Variants in ARHGAP8 observed in about 807,000 individuals in gnomAD.
ARHGAP8 encodes the protein rho GTPase-activating protein 8.
A neutral mutation model predicts 46.1 loss-of-function variants in ARHGAP8; 62 were observed. That is an observed-to-expected ratio of 1.34 (90% CI 1.10 to 1.66). ARHGAP8 has a LOEUF of 1.66. Among genes scored for constraint, ARHGAP8 ranks in the 40% most tolerant of loss-of-function variants. The pLI, the probability that ARHGAP8 is intolerant of heterozygous loss-of-function variation, is 0.00. For synonymous variants in ARHGAP8, 375 were observed against 243.1 expected (o/e 1.54, Z -5.05); for missense variants, 923 against 568.4 (o/e 1.62, Z -6.34).
chr22:44,846,356 C>T (rs146983577), intron 8 of ARHGAP8, among the ~76,000 whole-genome samples: 1 of 152,338 alleles, frequency 6.6e-6, no homozygotes, highest in Non-Finnish European at 1.5e-5. Flanking sequence ...ACAGGCGGGG[C>T]CTGGAGAGCC....
chr22:44,771,581 T>C (rs1385192259), intron 1 of ARHGAP8, among the ~76,000 whole-genome samples: 2 of 148,114 alleles, frequency 1.4e-5, no homozygotes, highest in Non-Finnish European at 3.0e-5. Context: ...TGAGACAAAG[T>C]CTTGCTCTTG....
intron 11 of ARHGAP8, among the ~76,000 whole-genome samples, chr22:44,861,391 G>C (rs1387763657): frequency 6.6e-6 from 1 of 152,216 alleles, no homozygotes; most frequent in African/African-American, 2.4e-5. Context: ...TGGCACCTGG[G>C]GGCCTCGGCT....
chr22:44,855,359 C>T (rs9626581), intron 10 of ARHGAP8, among the ~76,000 whole-genome samples: 31,940 of 151,722 alleles, frequency 0.21, 4,189 homozygotes, highest in Admixed American at 0.26. Context: ...AAGACAGGGT[C>T]TCACCATGTT....
At chr22:44,790,777 G>T (rs888006847) in intron 2 of ARHGAP8, among the ~76,000 whole-genome samples, 1 of 145,100 alleles carries the variant, frequency 6.9e-6, no homozygotes, top group African/African-American at 2.6e-5. Flanking sequence ...CTCTCTCCCA[G>T]GCTGGAGTGC....
At chr22:44,816,236 G>A (rs929697511) in intron 5 of ARHGAP8, among the ~76,000 whole-genome samples, 3 of 152,138 alleles carry the variant, frequency 2.0e-5, no homozygotes, top group East Asian at 1.9e-4. Context: ...TGGGTGTGAC[G>A]CTCCGTGTAC....
intron 3 of ARHGAP8, among the ~76,000 whole-genome samples, chr22:44,802,486 G>C (rs896332511): frequency 6.6e-6 from 1 of 152,154 alleles, no homozygotes; most frequent in East Asian, 1.9e-4. Context: ...CAGATGACAC[G>C]GCTGCCGAGC....
intron 4 of ARHGAP8, among the ~76,000 whole-genome samples, chr22:44,810,899 C>T (rs73176145): frequency 0.099 from 14,948 of 151,604 alleles, 971 homozygotes; most frequent in African/African-American, 0.17. Flanking sequence ...TGAGGAGAAG[C>T]GAGTGATGTG....
Position 44,862,423 on chromosome 22 carries a change from A to G in ARHGAP8, c.1130A>G (p.Tyr377Cys), listed in dbSNP as rs527743751. The G allele has an allele frequency of 2.0e-5, 32 of 1,613,946 alleles. No individual in the cohort carries two copies. The African/African-American group carries it at 2.1e-4, about 11-fold the overall frequency. Residue 377 changes from tyrosine to cysteine, a missense_variant, in exon 12 of 12, where the codon TAT becomes TGT. Transcript: ENST00000356099. ...TTCACTGAACTGCTGATCGAGTACTATGAAAAGATCTTCAGCACCCCGGAG... is the reference window on the plus strand; with the variant it reads ...TTCACTGAACTGCTGATCGAGTACTGTGAAAAGATCTTCAGCACCCCGGAG... Reference protein sequence around the residue: ...NMFTELLIEYYEKIFSTPEAP... With the variant: ...NMFTELLIEYCEKIFSTPEAP...
intron 2 of ARHGAP8, 147 bp from the exon 3 acceptor site, chr22:44,801,930 C>G: frequency 1.3e-6 from 1 of 775,484 alleles, no homozygotes; most frequent in Non-Finnish European, 2.1e-6. Flanking sequence ...GATGGATGCT[C>G]ACTCAGCAGG....
rs201689765 is a variant in ARHGAP8 at position 44,862,619 on chromosome 22, C to T, written c.*24C>T. Reference sequence around the variant, plus strand: ...AGTGTTGCGAACACTCTGTATATTTCGAGCTACCTCCCACACCTGTCTGTG... The same window carrying T: ...AGTGTTGCGAACACTCTGTATATTTTGAGCTACCTCCCACACCTGTCTGTG... On this transcript the variant is annotated 3_prime_UTR_variant, in exon 12 of 12. Transcript: ENST00000356099. 2.2e-4 allele frequency: 340 copies of T among 1,530,416 alleles called. 3 individuals are homozygous for T. Among genetic ancestry groups the T allele is most frequent in the African/African-American group, 5.8e-4 (42 of 72,598 alleles). 94.8% of individuals were successfully genotyped at this position (1,530,416 alleles called of 1,614,324 possible). A position where few individuals can be genotyped will look rare whatever the true frequency, so the allele number is the denominator to read the frequency against.
At chr22:44,841,859 G>T (rs1164886893) in intron 7 of ARHGAP8, among the ~76,000 whole-genome samples, 3 of 152,208 alleles carry the variant, frequency 2.0e-5, no homozygotes, top group Non-Finnish European at 2.9e-5. Flanking sequence ...AGTCAGTGGG[G>T]CAGGGAGGTG....
At chr22:44,821,366 T>C (rs1222928574) in intron 5 of ARHGAP8, among the ~76,000 whole-genome samples, 1 of 150,618 alleles carries the variant, frequency 6.6e-6, no homozygotes. Flanking sequence ...GAGGCGGAGC[T>C]TGCAGTGAGC....
chr22:44,838,553 C>G (rs749125620), intron 7 of ARHGAP8, among the ~76,000 whole-genome samples: 1 of 151,974 alleles, frequency 6.6e-6, no homozygotes, highest in East Asian at 1.9e-4. Context: ...GGATTATAGG[C>G]GTGAGCCACC....
intron 2 of ARHGAP8, among the ~76,000 whole-genome samples, chr22:44,799,959 C>T (rs1436051633): frequency 9.3e-6 from 1 of 107,992 alleles, no homozygotes; most frequent in Non-Finnish European, 1.9e-5. Context: ...AGGTCTCCAA[C>T]CTCTTCTGGC....
chr22:44,860,001 G>T (rs1477882454), intron 11 of ARHGAP8, among the ~76,000 whole-genome samples, 167 bp downstream of exon 11: 1 of 134,844 alleles, frequency 7.4e-6, no homozygotes, highest in Non-Finnish European at 1.6e-5. Flanking sequence ...GCCTGGTCAG[G>T]CACCCATGCT....
chr22:44,792,790 ACAGTGGTGG>A (rs1268541323), intron 2 of ARHGAP8, among the ~76,000 whole-genome samples: 2 of 97,580 alleles, frequency 2.0e-5, no homozygotes, highest in African/African-American at 9.4e-5. Flanking sequence ...GACACTAACG[ACAGTGGTGG>A]TGGTGGTGGT....
intron 1 of ARHGAP8, among the ~76,000 whole-genome samples, chr22:44,755,504 A>G (rs1269357363): frequency 2.0e-5 from 3 of 152,200 alleles, no homozygotes; most frequent in African/African-American, 7.2e-5. Context: ...GATGCTTCCC[A>G]GGCCTCCCTG....
intron 9 of ARHGAP8, 88 bp downstream of exon 9, chr22:44,848,138 C>A: frequency 6.5e-7 from 1 of 1,533,384 alleles, no homozygotes; most frequent in Non-Finnish European, 8.8e-7. Context: ...AGGGAAGCAC[C>A]GCCCCCGCAA....
At chr22:44,772,223 CTTTTTTTTTTTTTTTTTTTTT>C (rs71188484) in intron 1 of ARHGAP8, among the ~76,000 whole-genome samples, 5 of 16,402 alleles carry the variant, frequency 3.0e-4, no homozygotes, top group Non-Finnish European at 8.2e-4. Flanking sequence ...ACTGTTTTGC[CTTTTTTTTTTTTTTTTTTTTT>C]TTTTTTTTTC....
Sources: gnomAD v4.1 joint callset for allele counts (sites outside exome capture counted in the v4.1 genomes callset) on GRCh38, gnomAD v4.1.1 for gene constraint, MANE v1.5 for transcripts, NCBI Gene and HGNC (gene_info 2026-07-23, HGNC 2026-07-21) for gene names.